The following GPC6 variants were observed in gnomAD, a reference collection of about 807,000 sequenced individuals.
The protein encoded by GPC6 is glypican 6, also known as glypican-6.
In GPC6, 14 loss-of-function variants were observed where a neutral mutation model predicts 55.2. The observed-to-expected ratio is 0.25, with a 90% CI of 0.17 to 0.40. GPC6 has a LOEUF of 0.40. Among genes scored for constraint, GPC6 ranks in the 10% least tolerant of loss-of-function variants. The pLI, the probability that GPC6 is intolerant of heterozygous loss-of-function variation, is 1.00. For synonymous variants in GPC6, 278 were observed against 259.6 expected (o/e 1.07, Z -0.68); for missense variants, 641 against 708.5 (o/e 0.90, Z 1.08).
intron 6 of GPC6, among the ~76,000 whole-genome samples, chr13:94,344,333 G>GAATT (rs1466740282): frequency 6.6e-6 from 1 of 152,190 alleles, no homozygotes; most frequent in Admixed American, 6.5e-5. Flanking sequence ...ATTCAGGTTT[G>GAATT]AATTAACAAT....
intron 2 of GPC6, among the ~76,000 whole-genome samples, chr13:93,555,015 T>A (rs978693890): frequency 1.3e-5 from 2 of 152,296 alleles, no homozygotes; most frequent in East Asian, 3.9e-4. Flanking sequence ...GACTTGAACA[T>A]GAAAAGCAAA....
At chr13:94,227,521 C>CAA (rs1204383836) in intron 4 of GPC6, among the ~76,000 whole-genome samples, 1 of 152,130 alleles carries the variant, frequency 6.6e-6, no homozygotes, top group Non-Finnish European at 1.5e-5. Flanking sequence ...GCCATACAGG[C>CAA]CAGTGGGGGA....
At chr13:94,271,366 A>ACGCGCG (rs35593846) in intron 4 of GPC6, among the ~76,000 whole-genome samples, 1,794 of 131,130 alleles carry the variant, frequency 0.014, 14 homozygotes, top group Middle Eastern at 0.033. Flanking sequence ...ACACACACAC[A>ACGCGCG]CGCGCGCGCG....
chr13:93,387,998 C>T (rs1875470856), intron 1 of GPC6, among the ~76,000 whole-genome samples: 1 of 152,108 alleles, frequency 6.6e-6, no homozygotes, highest in Non-Finnish European at 1.5e-5. Context: ...TCCTGTATAT[C>T]TCTTTCTATG....
chr13:93,441,945 G>A (rs1461874620), intron 1 of GPC6, among the ~76,000 whole-genome samples: 2 of 152,182 alleles, frequency 1.3e-5, no homozygotes, highest in African/African-American at 2.4e-5. Flanking sequence ...GAGTAGGAGG[G>A]ATGGAATCAA....
chr13:93,293,361 A>G (rs528142245), intron 1 of GPC6, among the ~76,000 whole-genome samples: 1 of 152,322 alleles, frequency 6.6e-6, no homozygotes, highest in African/African-American at 2.4e-5. Context: ...TCTAATTTCT[A>G]TAGGAGATTT....
At chr13:94,315,605 T>C (rs1405455745) in intron 6 of GPC6, among the ~76,000 whole-genome samples, 1 of 152,030 alleles carries the variant, frequency 6.6e-6, no homozygotes, top group African/African-American at 2.4e-5. Flanking sequence ...GTGCCTCACA[T>C]AGAGAGAGAA....
chr13:93,278,574 C>T (rs1351574150), intron 1 of GPC6, among the ~76,000 whole-genome samples: 1 of 152,156 alleles, frequency 6.6e-6, no homozygotes, highest in Non-Finnish European at 1.5e-5. Flanking sequence ...TCATGTGGAT[C>T]ATTTAATTGC....
intron 4 of GPC6, among the ~76,000 whole-genome samples, chr13:94,103,550 T>A (rs9669917): frequency 0.017 from 2,610 of 152,314 alleles, 73 homozygotes; most frequent in African/African-American, 0.059. Context: ...CAGCACCTGT[T>A]GTTTCCTGAC....
chr13:93,713,588 A>G (rs1216713886), intron 2 of GPC6, among the ~76,000 whole-genome samples: 1 of 151,616 alleles, frequency 6.6e-6, no homozygotes, highest in Non-Finnish European at 1.5e-5. Context: ...GAAACCTTGA[A>G]CTACTTTCTT....
intron 1 of GPC6, among the ~76,000 whole-genome samples, chr13:93,544,381 C>T (rs1874644648): frequency 6.6e-6 from 1 of 152,010 alleles, no homozygotes; most frequent in East Asian, 1.9e-4. Flanking sequence ...TTTCAGTGTC[C>T]TATGGTGACT....
intron 4 of GPC6, among the ~76,000 whole-genome samples, chr13:94,067,132 T>G (rs77689960): frequency 0.037 from 5,606 of 152,312 alleles, 146 homozygotes; most frequent in Middle Eastern, 0.11. Flanking sequence ...AATTGTCAGA[T>G]TCTTCTTAAT....
rs1352675346 is a variant in GPC6, at chr13:94,194,697, A to G, written c.878-91652A>G. ...GTGCATCAAAATCTCACAAATCACC[A>G]CTAAAGAACTTAGTCATGTAACCAA... On this transcript the variant is annotated intron_variant, in intron 4 of 8. Coordinates refer to ENST00000377047, the MANE Select transcript of GPC6 (RefSeq NM_005708.5). Among the ~76,000 whole-genome samples, 3 of 152,308 alleles carry G rather than the reference A, an allele frequency of 2.0e-5. 1 individual carries two copies. Among genetic ancestry groups the G allele is most frequent in the South Asian group, 4.1e-4 (2 of 4,830 alleles).
intron 1 of GPC6, among the ~76,000 whole-genome samples, chr13:93,514,267 G>A (rs1881100393): frequency 6.6e-6 from 1 of 152,104 alleles, no homozygotes; most frequent in Non-Finnish European, 1.5e-5. Context: ...GAAGCCATAG[G>A]TGCTCTGTTG....
chr13:93,478,514 A>G (rs1594198948), intron 1 of GPC6, among the ~76,000 whole-genome samples: 2 of 152,338 alleles, frequency 1.3e-5, no homozygotes, highest in East Asian at 3.9e-4. Context: ...TGAAATTATC[A>G]TGGTTCTATA....
intron 4 of GPC6, among the ~76,000 whole-genome samples, chr13:94,267,346 A>G (rs1891850064): frequency 6.6e-6 from 1 of 152,214 alleles, no homozygotes; most frequent in African/African-American, 2.4e-5. Flanking sequence ...CGTACAGTCT[A>G]ATGCAAGTTT....
At chr13:93,817,938 T>A (rs1349392035) in intron 2 of GPC6, among the ~76,000 whole-genome samples, 1 of 148,308 alleles carries the variant, frequency 6.7e-6, no homozygotes, top group African/African-American at 2.4e-5. Context: ...ATTATAGATA[T>A]AATTTATTAG....
At chr13:94,346,575 A>G (rs1469697231) in intron 6 of GPC6, among the ~76,000 whole-genome samples, 2 of 152,180 alleles carry the variant, frequency 1.3e-5, no homozygotes, top group African/African-American at 4.8e-5. Flanking sequence ...CAAAAAAAAT[A>G]GCTGGGCGTA....
chr13:93,278,760 G>C (rs2139064310), intron 1 of GPC6, among the ~76,000 whole-genome samples: 1 of 152,264 alleles, frequency 6.6e-6, no homozygotes, highest in African/African-American at 2.4e-5. Flanking sequence ...CAGATATATA[G>C]AGTGAACACA....
Sources: gnomAD v4.1 joint callset for allele counts (sites outside exome capture counted in the v4.1 genomes callset) on GRCh38, gnomAD v4.1.1 for gene constraint, MANE v1.5 for transcripts, NCBI Gene and HGNC (gene_info 2026-07-23, HGNC 2026-07-21) for gene names.